The following VWDE variants were observed in gnomAD, a reference collection of about 807,000 sequenced individuals.
VWDE encodes the protein von Willebrand factor D and EGF domains.
Under a neutral mutation model 178.4 loss-of-function variants are expected in VWDE, and 207 were observed. The ratio of observed to expected loss-of-function variants is 1.16; its 90% CI spans 1.04 to 1.30. The LOEUF (loss-of-function observed/expected upper bound fraction) is 1.30. VWDE is among the 50% of genes most tolerant of loss of function. The pLI, the probability that VWDE is intolerant of heterozygous loss-of-function variation, is 0.00. For missense variants in VWDE, 2,287 were observed against 1,901.3 expected, an observed-to-expected ratio of 1.20 and a Z score of -3.77; for synonymous variants, 738 against 651.4, an observed-to-expected ratio of 1.13 and a Z score of -2.02.
At chr7:12,357,184 T>C (rs1782293078) in intron 17 of VWDE, 81 bp downstream of exon 17, 3 of 1,477,410 alleles carry the variant, frequency 2.0e-6, no homozygotes, top group Admixed American at 2.3e-5. Context: ...CAACTAGCAA[T>C]ATGGCTTGTA....
At chr7:12,344,311 G>A in intron 20 of VWDE, 21 bp from the exon 21 acceptor site, 1 of 1,550,226 alleles carries the variant, frequency 6.5e-7, no homozygotes, top group Non-Finnish European at 8.7e-7. Flanking sequence ...TAAAGCCCAA[G>A]TTTTAGACAT....
rs1290910813 is a variant in VWDE at position 12,370,489 on chromosome 7, A to T, written c.1817T>A (p.Met606Lys). The change falls in exon 12 of 29, where the codon ATG becomes AAG. Residue 606 changes from methionine (M) to lysine (K), a missense_variant. Met to Lys is a moderately conservative substitution (Grantham distance 95). Coordinates refer to ENST00000275358, the MANE Select transcript of VWDE (RefSeq NM_001135924.3). ...CATAGAAACTGGCAGTGTGTCAGACATGCTTTTTCCTGGTAAAATCCTTCC... is the reference window on the plus strand; with the variant it reads ...CATAGAAACTGGCAGTGTGTCAGACTTGCTTTTTCCTGGTAAAATCCTTCC... ...NEWRILPGKS[M>K]SDTLPVSMTS... 6.5e-7 allele frequency: 1 copy of T among 1,538,548 alleles called. No homozygotes were observed. The highest frequency in any genetic ancestry group is 1.4e-5 in the African/African-American group (1 of 73,022).
At chr7:12,356,782 A>T (rs556648404) in intron 17 of VWDE, among the ~76,000 whole-genome samples, 2 of 152,210 alleles carry the variant, frequency 1.3e-5, no homozygotes, top group Admixed American at 1.3e-4. Context: ...TGAGCAAAGG[A>T]CATATAAAGG....
intron 1 of VWDE, among the ~76,000 whole-genome samples, chr7:12,396,171 T>A (rs1463809277): frequency 6.6e-6 from 1 of 152,162 alleles, no homozygotes; most frequent in Non-Finnish European, 1.5e-5. Flanking sequence ...TTTCCTTTTT[T>A]TATTTCTATA....
intron 24 of VWDE, among the ~76,000 whole-genome samples, chr7:12,338,141 C>A (rs1312222041): frequency 6.6e-6 from 1 of 151,822 alleles, no homozygotes; most frequent in East Asian, 1.9e-4. Flanking sequence ...TCTTTATTTC[C>A]AAACACTGTA....
Position 12,383,440 on chromosome 7 carries a change from A to G in VWDE, c.541+96T>C. 3 of 985,486 alleles carry G rather than the reference A, an allele frequency of 3.0e-6. No individual in the cohort carries two copies. In the East Asian group the frequency reaches 8.1e-5, roughly 27 times the overall value. The allele number at this position is 985,486 out of a possible 1,614,324, so 61.0% of individuals were successfully genotyped here. A position where few individuals can be genotyped will look rare whatever the true frequency, so the allele number is the denominator to read the frequency against. Reference sequence around the variant, plus strand: ...CCAGACTTTGGTTATATCAAATATCAATATAATTCAACATCCAAAGCTGCA... The same window carrying G: ...CCAGACTTTGGTTATATCAAATATCGATATAATTCAACATCCAAAGCTGCA... On this transcript the variant is annotated intron_variant, in intron 4 of 28. Transcript: ENST00000275358.
chr7:12,375,243 A>AG lies in VWDE; in HGVS notation c.1025-17_1025-16insC, dbSNP rs773621325. The AG allele has an allele frequency of 9.1e-6, 14 of 1,542,556 alleles. No individual in the cohort carries two copies. Among genetic ancestry groups the AG allele is most frequent in the Non-Finnish European group, 1.2e-5 (14 of 1,140,208 alleles). ...TGCTCTCTACCTATTTAATGAAAAA[A>AG]TAGGTTTAAAAATTTCCAAGAGAAT... On this transcript the variant is annotated splice_polypyrimidine_tract_variant and intron_variant, in intron 7 of 28. Coordinates refer to ENST00000275358, the MANE Select transcript of VWDE (RefSeq NM_001135924.3).
chr7:12,372,207 G>T (rs1229564774), intron 10 of VWDE, among the ~76,000 whole-genome samples: 3 of 151,964 alleles, frequency 2.0e-5, no homozygotes, highest in Non-Finnish European at 4.4e-5. Flanking sequence ...TTTAATCGGA[G>T]TGCTGATTAT....
chr7:12,341,829 A>T (rs1781349389), intron 23 of VWDE, among the ~76,000 whole-genome samples: 2 of 152,304 alleles, frequency 1.3e-5, no homozygotes, highest in South Asian at 4.1e-4. Flanking sequence ...AAGCAAAAAA[A>T]GTATTGGTTG....
intron 2 of VWDE, among the ~76,000 whole-genome samples, chr7:12,391,002 A>C (rs1464685960): frequency 6.6e-6 from 1 of 152,222 alleles, no homozygotes; most frequent in East Asian, 1.9e-4. Context: ...TGATGGTTTA[A>C]ATAAATATGA....
In VWDE at chr7:12,344,124, G is replaced by A. The variant is rs1583280113; in HGVS notation, c.4078+71C>T. The A allele has an allele frequency of 6.9e-6, 9 of 1,310,566 alleles. No individual in the cohort carries two copies. The East Asian group carries it at 2.3e-4, about 33-fold the overall frequency. The allele number at this position is 1,310,566 out of a possible 1,614,324, so 81.2% of individuals were successfully genotyped here. A position where few individuals can be genotyped will look rare whatever the true frequency, so the allele number is the denominator to read the frequency against. On this transcript the variant is annotated intron_variant, in intron 21 of 28. Coordinates refer to ENST00000275358, the MANE Select transcript of VWDE (RefSeq NM_001135924.3). ...ATACACAGTAAAACTGAATTGTCTT[G>A]TAAAATGGTTTTTAAAGAAAATTAT...
intron 4 of VWDE, among the ~76,000 whole-genome samples, chr7:12,381,568 GA>G (rs1277850144): frequency 1.3e-5 from 2 of 151,956 alleles, no homozygotes; most frequent in African/African-American, 2.4e-5. Context: ...TTTCTGTGGA[GA>G]AAATGTACTT....
At chr7:12,401,878 G>C (rs1562527680) in intron 1 of VWDE, among the ~76,000 whole-genome samples, 1 of 152,024 alleles carries the variant, frequency 6.6e-6, no homozygotes, top group Non-Finnish European at 1.5e-5. Flanking sequence ...TAGTCAAAAG[G>C]TGGAAACAAC....
chr7:12,385,616 AGAG>A (rs1784059896), intron 3 of VWDE, among the ~76,000 whole-genome samples: 1 of 152,218 alleles, frequency 6.6e-6, no homozygotes, highest in Non-Finnish European at 1.5e-5. Context: ...TGCCATCAGC[AGAG>A]AACACCTGCT....
intron 6 of VWDE, 106 bp downstream of exon 6, chr7:12,379,371 C>A: frequency 1.5e-6 from 1 of 678,382 alleles, no homozygotes; most frequent in East Asian, 3.2e-5. Context: ...CTCAACATTC[C>A]GATTCAGTCT....
chr7:12,347,702 T>C (rs1215089274), intron 19 of VWDE, among the ~76,000 whole-genome samples: 1 of 152,002 alleles, frequency 6.6e-6, no homozygotes, highest in African/African-American at 2.4e-5. Flanking sequence ...ACGACTTTCT[T>C]CACAGAATTG....
chr7:12,372,928 G>C, intron 10 of VWDE, 49 bp downstream of exon 10: 2 of 1,506,652 alleles, frequency 1.3e-6, no homozygotes, highest in African/African-American at 1.4e-5. Flanking sequence ...ATGTTTATCT[G>C]AAAGGAGAAA....
intron 28 of VWDE, among the ~76,000 whole-genome samples, chr7:12,333,188 T>C (rs1161863957): frequency 6.6e-6 from 1 of 152,194 alleles, no homozygotes; most frequent in Admixed American, 6.5e-5. Context: ...GAATCTATAT[T>C]GTGGAACATT....
Position 12,340,253 on chromosome 7 carries a change from T to C in VWDE, c.4366+69A>G, listed in dbSNP as rs1781252865. 3 of 1,229,184 alleles carry C rather than the reference T, an allele frequency of 2.4e-6. No individual in the cohort carries two copies. In the South Asian group the frequency reaches 4.4e-5, roughly 18 times the overall value. 76.1% of individuals were successfully genotyped at this position (1,229,184 alleles called of 1,614,324 possible). A position where few individuals can be genotyped will look rare whatever the true frequency, so the allele number is the denominator to read the frequency against. On this transcript the variant is annotated intron_variant, in intron 24 of 28. Transcript: ENST00000275358. ...CTTTCCCTTTGAAACTTGTCTCATG[T>C]TTACTCAGAGCTCTGTTGATATCTA... is the stretch of plus-strand genomic sequence containing the variant.
Sources: gnomAD v4.1 joint callset for allele counts (sites outside exome capture counted in the v4.1 genomes callset) on GRCh38, gnomAD v4.1.1 for gene constraint, MANE v1.5 for transcripts, NCBI Gene and HGNC (gene_info 2026-07-23, HGNC 2026-07-21) for gene names.